The following ELF1 variants were observed in gnomAD, a reference collection of about 807,000 sequenced individuals.
ELF1 encodes the protein ETS-related transcription factor Elf-1.
Under a neutral mutation model 59.9 loss-of-function variants are expected in ELF1, and 24 were observed. The observed-to-expected ratio is 0.40, with a 90% CI of 0.29 to 0.56. The LOEUF (loss-of-function observed/expected upper bound fraction) is 0.56. Among genes scored for constraint, ELF1 ranks in the 20% least tolerant of loss-of-function variants. The pLI is 0.44. For synonymous variants in ELF1, 248 were observed against 266.2 expected (o/e 0.93, Z 0.67); for missense variants, 627 against 742.2 (o/e 0.84, Z 1.80).
chr13:40,953,135 C>G (rs1451792534), intron 3 of ELF1, among the ~76,000 whole-genome samples: 1 of 152,068 alleles, frequency 6.6e-6, no homozygotes, highest in African/African-American at 2.4e-5. Context: ...TGCCACCATG[C>G]CCAGCTAATT....
chr13:41,060,908 TGCTGCTGCCGCCGCCGCCGCCGCC>T (rs1485122681), exon 1 of ELF1: 12 of 275,364 alleles, frequency 4.4e-5, no homozygotes, highest in South Asian at 1.5e-4. Context: ...CTACTGAAGC[TGCTGCTGCCGCCGCCGCCGCCGCC>T]GCCGCCGCCG....
upstream of ELF1, among the ~76,000 whole-genome samples, chr13:41,022,729 A>G (rs1396948762): frequency 1.3e-5 from 2 of 152,152 alleles, no homozygotes; most frequent in Admixed American, 6.5e-5. Context: ...AAATACGGAT[A>G]TTAGCCAGGT....
At chr13:41,043,050 G>A (rs1234912372) in intron 1 of ELF1, among the ~76,000 whole-genome samples, 3 of 152,262 alleles carry the variant, frequency 2.0e-5, no homozygotes, top group Non-Finnish European at 4.4e-5. Flanking sequence ...TTCTCTGATG[G>A]CCAGTGATGA....
intron 1 of ELF1, among the ~76,000 whole-genome samples, chr13:41,011,225 T>C (rs1427664406): frequency 6.6e-6 from 1 of 152,232 alleles, no homozygotes; most frequent in Non-Finnish European, 1.5e-5. Context: ...TGTTTTGAAA[T>C]GTGTTTTTGA....
intron 3 of ELF1, among the ~76,000 whole-genome samples, chr13:40,955,904 A>G (rs1405374811): frequency 6.1e-4 from 62 of 101,086 alleles, no homozygotes; most frequent in African/African-American, 2.4e-3. Flanking sequence ...GGAGGCGGGG[A>G]GGTCAGCCCC....
chr13:41,010,065 C>T (rs199543712), intron 1 of ELF1, among the ~76,000 whole-genome samples: 1 of 143,338 alleles, frequency 7.0e-6, no homozygotes, highest in East Asian at 2.0e-4. Flanking sequence ...AAAAAAAAAA[C>T]TCCCTGGGAT....
At chr13:40,976,620 C>T (rs1305435056) in intron 2 of ELF1, among the ~76,000 whole-genome samples, 2 of 152,216 alleles carry the variant, frequency 1.3e-5, no homozygotes, top group East Asian at 3.8e-4. Flanking sequence ...CAGCTCACTG[C>T]AACCTCCACC....
chr13:40,945,023 C>A (rs563220442), intron 5 of ELF1, among the ~76,000 whole-genome samples: 20 of 152,156 alleles, frequency 1.3e-4, no homozygotes, highest in Non-Finnish European at 2.9e-5. Context: ...CAAATGTATG[C>A]TAGTCAGCCA....
chr13:41,008,820 C>T (rs775125247), intron 1 of ELF1, among the ~76,000 whole-genome samples: 1 of 152,250 alleles, frequency 6.6e-6, no homozygotes, highest in Non-Finnish European at 1.5e-5. Context: ...TATTCTTCAA[C>T]AAAAGCAACA....
intron 2 of ELF1, 112 bp downstream of exon 2, chr13:40,981,871 T>G (rs1381540733): frequency 1.6e-6 from 2 of 1,216,582 alleles, no homozygotes; most frequent in African/African-American, 3.1e-5. Context: ...ATCTATAAAT[T>G]TTTACTTTCA....
chr13:40,987,852 A>G (rs1391312850), intron 1 of ELF1, among the ~76,000 whole-genome samples: 1 of 152,190 alleles, frequency 6.6e-6, no homozygotes, highest in Non-Finnish European at 1.5e-5. Flanking sequence ...AACTTTCACA[A>G]GATGTGGTAA....
chr13:41,020,014 G>C (rs768911789), upstream of ELF1, among the ~76,000 whole-genome samples: 1 of 152,306 alleles, frequency 6.6e-6, no homozygotes, highest in East Asian at 1.9e-4. Flanking sequence ...GTATTGGTAC[G>C]ATCATAGTTC....
chr13:40,953,599 T>A (rs1871005959), intron 3 of ELF1, among the ~76,000 whole-genome samples: 2 of 152,184 alleles, frequency 1.3e-5, no homozygotes, highest in Admixed American at 1.3e-4. Context: ...AAAATAAATT[T>A]CTCATTTGAG....
intron 1 of ELF1, among the ~76,000 whole-genome samples, chr13:41,046,570 C>T (rs1876856757): frequency 6.6e-6 from 1 of 152,178 alleles, no homozygotes; most frequent in African/African-American, 2.4e-5. Flanking sequence ...ATATGAAATT[C>T]TGGGTTGAAA....
chr13:41,048,436 T>C (rs1038582423), intron 1 of ELF1, among the ~76,000 whole-genome samples: 2 of 152,186 alleles, frequency 1.3e-5, no homozygotes, highest in Non-Finnish European at 2.9e-5. Flanking sequence ...GTCTTTTCTT[T>C]GAGACAAGGT....
At chr13:41,017,093 A>G (rs2138383384) in intron 1 of ELF1, among the ~76,000 whole-genome samples, 1 of 150,456 alleles carries the variant, frequency 6.6e-6, no homozygotes, top group African/African-American at 2.4e-5. Flanking sequence ...AGTCATGAAC[A>G]AAAAAATTCT....
chr13:41,027,111 A>G (rs1875971352), intron 1 of ELF1, among the ~76,000 whole-genome samples: 1 of 152,208 alleles, frequency 6.6e-6, no homozygotes, highest in South Asian at 2.1e-4. Context: ...TGTGAAGGAG[A>G]AATGGCCAGA....
chr13:41,021,010 A>C (rs1875668548), upstream of ELF1, among the ~76,000 whole-genome samples: 1 of 152,234 alleles, frequency 6.6e-6, no homozygotes, highest in African/African-American at 2.4e-5. Context: ...CATAACTTTA[A>C]AAGTATTCAG....
chr13:41,005,837 GAATTC>G (rs1310858943), intron 1 of ELF1, among the ~76,000 whole-genome samples: 2 of 146,936 alleles, frequency 1.4e-5, no homozygotes, highest in African/African-American at 2.4e-5. Flanking sequence ...CCTTAAGAAT[GAATTC>G]AATTCATTAC....
Sources: gnomAD v4.1 joint callset for allele counts (sites outside exome capture counted in the v4.1 genomes callset) on GRCh38, gnomAD v4.1.1 for gene constraint, MANE v1.5 for transcripts, NCBI Gene and HGNC (gene_info 2026-07-23, HGNC 2026-07-21) for gene names.